RFC1: variants seen among roughly 807,000 people sequenced by gnomAD.
RFC1 encodes A1 140 kDa subunit.
A neutral mutation model predicts 137.4 loss-of-function variants in RFC1; 37 were observed. The ratio of observed to expected loss-of-function variants is 0.27; its 90% CI spans 0.21 to 0.35. The LOEUF (loss-of-function observed/expected upper bound fraction) is 0.35, where lower values mean the gene tolerates loss of function less well. RFC1 is among the 10% of genes least tolerant of loss of function. RFC1 has a pLI of 1.00. For missense variants in RFC1, 1,205 were observed against 1,358.5 expected (o/e 0.89, Z 1.78); for synonymous variants, 429 against 455.7 (o/e 0.94, Z 0.75).
In RFC1 at chr4:39,288,530, TGACA is replaced by T; in HGVS notation, c.*227_*230del. 1 of 388,844 alleles carries T rather than the reference TGACA, an allele frequency of 2.6e-6. No homozygotes were observed. The highest frequency in any genetic ancestry group is 4.0e-5 in the East Asian group (1 of 24,770). 24.1% of individuals were successfully genotyped at this position (388,844 alleles called of 1,614,324 possible). A position where few individuals can be genotyped will look rare whatever the true frequency, so the allele number is the denominator to read the frequency against. On this transcript the variant is annotated 3_prime_UTR_variant, in exon 25 of 25. Coordinates refer to ENST00000349703, the MANE Select transcript of RFC1 (RefSeq NM_002913.5). ...CATTCAGAAGCACGTCTAACTAGAT[TGACA>T]GAGGACAGTGGAGGACCCAAGCAGT...
chr4:39,359,812 A>T (rs1439818859), intron 1 of RFC1, among the ~76,000 whole-genome samples: 1 of 147,328 alleles, frequency 6.8e-6, no homozygotes, highest in Non-Finnish European at 1.5e-5. Context: ...ACAGAGCGAG[A>T]CTCTGTCTCA....
intron 1 of RFC1, among the ~76,000 whole-genome samples, chr4:39,362,674 A>T (rs1578180670): frequency 6.6e-6 from 1 of 152,372 alleles, no homozygotes; most frequent in South Asian, 2.1e-4. Context: ...GTAAGAGCTA[A>T]AACTACAAAG....
At chr4:39,292,120 C>A (rs1360608341) in intron 22 of RFC1, 1 of 421,194 alleles carries the variant, frequency 2.4e-6, no homozygotes, top group Non-Finnish European at 4.3e-6. Context: ...TACTTCCACC[C>A]TACTCTTAAG....
intron 3 of RFC1, among the ~76,000 whole-genome samples, chr4:39,343,699 C>A (rs1394609538): frequency 2.0e-5 from 3 of 152,194 alleles, no homozygotes; most frequent in African/African-American, 7.2e-5. Context: ...AAATTCTTTA[C>A]AATATAGAGC....
chr4:39,311,253 A>C (rs2109639487), intron 12 of RFC1, among the ~76,000 whole-genome samples, 192 bp downstream of exon 12: 1 of 152,316 alleles, frequency 6.6e-6, no homozygotes, highest in East Asian at 1.9e-4. Context: ...TCCCTGACAA[A>C]GATAAGGAAA....
chr4:39,361,531 C>T (rs534622147), intron 1 of RFC1, among the ~76,000 whole-genome samples: 1 of 152,038 alleles, frequency 6.6e-6, no homozygotes, highest in African/African-American at 2.4e-5. Flanking sequence ...TCAATGTTGT[C>T]GAGTTTCTAG....
chr4:39,311,734 GA>G (rs1738970684), intron 11 of RFC1, among the ~76,000 whole-genome samples, 185 bp from the exon 12 acceptor site: 1 of 152,152 alleles, frequency 6.6e-6, no homozygotes, highest in Non-Finnish European at 1.5e-5. Context: ...ACATTGAAAA[GA>G]AAGAAAATAA....
intron 15 of RFC1, among the ~76,000 whole-genome samples, chr4:39,303,944 T>C (rs1265694716): frequency 6.6e-6 from 1 of 152,210 alleles, no homozygotes. Context: ...TATCCTTATC[T>C]ATATGGCATA....
At chr4:39,326,845 C>T (rs555554987) in intron 5 of RFC1, among the ~76,000 whole-genome samples, 1 of 152,234 alleles carries the variant, frequency 6.6e-6, no homozygotes, top group African/African-American at 2.4e-5. Context: ...TATAGACAGA[C>T]CTGTCTCACT....
At chr4:39,330,094 G>C (rs1740022032) in intron 4 of RFC1, among the ~76,000 whole-genome samples, 1 of 151,970 alleles carries the variant, frequency 6.6e-6, no homozygotes, top group Non-Finnish European at 1.5e-5. Context: ...GGTGGGGATG[G>C]GGGACGGTTC....
chr4:39,302,796 AGCG>A lies in RFC1; in HGVS notation c.2278_2280del (p.Arg760del). On this transcript the variant is annotated inframe_deletion, in exon 17 of 25. Transcript: ENST00000349703. Reference sequence around the variant, plus strand: ...AGATCAAAACAATAATGAACCAGAGAGCGAATCTTGGGATGATTTCTATCATTG... The same window carrying A: ...AGATCAAAACAATAATGAACCAGAGAAATCTTGGGATGATTTCTATCATTG... 1.2e-6 allele frequency: 2 copies of A among 1,606,312 alleles called. No individual in the cohort carries two copies. The highest frequency in any genetic ancestry group is 8.5e-7 in the Non-Finnish European group (1 of 1,177,446).
chr4:39,321,449 C>A, intron 7 of RFC1, 75 bp from the exon 8 acceptor site: 1 of 1,402,072 alleles, frequency 7.1e-7, no homozygotes, highest in Non-Finnish European at 9.9e-7. Flanking sequence ...TGTTAAAATC[C>A]ATCAAAATTT....
chr4:39,327,024 A>G (rs772131022), intron 5 of RFC1, among the ~76,000 whole-genome samples: 18 of 152,212 alleles, frequency 1.2e-4, no homozygotes, highest in Non-Finnish European at 2.4e-4. Context: ...AACACACACT[A>G]TGGGGCAGGC....
chr4:39,304,770 A>G (rs764749989), intron 15 of RFC1, 44 bp downstream of exon 15: 1 of 1,085,024 alleles, frequency 9.2e-7, no homozygotes, highest in Admixed American at 1.7e-5. Flanking sequence ...AAATGAACAT[A>G]TTTTTCTTAT....
chr4:39,315,654 T>C (rs1344518707), intron 10 of RFC1, among the ~76,000 whole-genome samples: 1 of 152,162 alleles, frequency 6.6e-6, no homozygotes, highest in South Asian at 2.1e-4. Context: ...AATCGCATGA[T>C]CCACCAAGCT....
At chr4:39,288,963 G>T in intron 24 of RFC1, 119 bp from the exon 25 acceptor site, 1 of 711,084 alleles carries the variant, frequency 1.4e-6, no homozygotes, top group South Asian at 1.8e-5. Flanking sequence ...AAGAGAGGCT[G>T]CAAACATCGA....
At chr4:39,342,542 G>A (rs1036377244) in intron 3 of RFC1, 75 bp from the exon 4 acceptor site, 15 of 1,432,740 alleles carry the variant, frequency 1.0e-5, no homozygotes, top group Middle Eastern at 1.8e-4. Context: ...AAGTAGTCAC[G>A]GTGAACCAAT....
chr4:39,329,127 C>CAAA (rs71594924), intron 4 of RFC1, among the ~76,000 whole-genome samples: 340 of 31,650 alleles, frequency 0.011, 79 homozygotes, highest in East Asian at 0.036. Context: ...CAGTGACTCA[C>CAAA]AAAAAAAAAA....
Position 39,302,421 on chromosome 4 carries a change from G to A in RFC1, c.2437-45C>T, listed in dbSNP as rs182666446. 15 of 1,532,338 alleles carry A rather than the reference G, an allele frequency of 9.8e-6. No homozygotes were observed. The African/African-American group carries it at 1.9e-4, about 19-fold the overall frequency. The allele number at this position is 1,532,338 out of a possible 1,614,324, so 94.9% of individuals were successfully genotyped here. A position where few individuals can be genotyped will look rare whatever the true frequency, so the allele number is the denominator to read the frequency against. ...GACAACGTCAAGATAGGAAAATCCT[G>A]TTGCTCCCCATCCCTACAAGGTTGA... is the stretch of plus-strand genomic sequence containing the variant. On this transcript the variant is annotated intron_variant, in intron 18 of 24. Coordinates refer to ENST00000349703, the MANE Select transcript of RFC1 (RefSeq NM_002913.5).
Sources: gnomAD v4.1 joint callset for allele counts (sites outside exome capture counted in the v4.1 genomes callset) on GRCh38, gnomAD v4.1.1 for gene constraint, MANE v1.5 for transcripts, NCBI Gene and HGNC (gene_info 2026-07-23, HGNC 2026-07-21) for gene names.